The following ADGRB3 variants were observed in gnomAD, a reference collection of about 807,000 sequenced individuals.
The protein encoded by ADGRB3 is adhesion G protein-coupled receptor B3.
In ADGRB3, 37 loss-of-function variants were observed where a neutral mutation model predicts 193.4. The observed-to-expected ratio is 0.19, with a 90% CI of 0.15 to 0.25. ADGRB3 has a LOEUF of 0.25. ADGRB3 is among the 10% of genes least tolerant of loss of function. ADGRB3 has a pLI of 1.00. For synonymous variants in ADGRB3, 690 were observed against 644.2 expected, an observed-to-expected ratio of 1.07 and a Z score of -1.08; for missense variants, 1,637 against 1,852.9, an observed-to-expected ratio of 0.88 and a Z score of 2.14.
chr6:69,030,184 A>G (rs1040409054), intron 13 of ADGRB3, among the ~76,000 whole-genome samples: 3 of 152,174 alleles, frequency 2.0e-5, no homozygotes, highest in African/African-American at 7.2e-5. Flanking sequence ...AATTAGTTCA[A>G]CCATTGTGGA....
In ADGRB3 at chr6:68,637,442, C is replaced by G. The variant is rs1193528536; in HGVS notation, c.-136C>G. 6.6e-6 allele frequency: 1 copy of G among 152,640 alleles called. No homozygotes were observed. The highest frequency in any genetic ancestry group is 1.5e-5 in the Non-Finnish European group (1 of 68,048). 9.5% of individuals were successfully genotyped at this position (152,640 alleles called of 1,614,324 possible). On this transcript the variant is annotated 5_prime_UTR_variant, in exon 2 of 32. Transcript: ENST00000370598. ...GACTTTTAAAATTAACTTGGCATCACTTTTATCAGCTCAAAGGCTAAACAA... is the reference window on the plus strand; with the variant it reads ...GACTTTTAAAATTAACTTGGCATCAGTTTTATCAGCTCAAAGGCTAAACAA...
intron 13 of ADGRB3, among the ~76,000 whole-genome samples, chr6:69,022,190 AAG>A (rs1289345303): frequency 6.6e-6 from 1 of 151,812 alleles, no homozygotes; most frequent in East Asian, 1.9e-4. Flanking sequence ...ATGTGTATGA[AAG>A]ATTTCAATTT....
At chr6:68,686,748 G>A (rs2127300237) in intron 3 of ADGRB3, among the ~76,000 whole-genome samples, 1 of 152,260 alleles carries the variant, frequency 6.6e-6, no homozygotes, top group South Asian at 2.1e-4. Flanking sequence ...ACAAATCAAT[G>A]TGGTTGGTTT....
At chr6:68,811,649 T>C (rs1189763061) in intron 3 of ADGRB3, among the ~76,000 whole-genome samples, 1 of 152,120 alleles carries the variant, frequency 6.6e-6, no homozygotes, top group Admixed American at 6.5e-5. Context: ...TTTGTATTTT[T>C]AGTAGAGACA....
At chr6:68,964,308 A>G (rs1179193668) in intron 8 of ADGRB3, among the ~76,000 whole-genome samples, 1 of 152,168 alleles carries the variant, frequency 6.6e-6, no homozygotes, top group African/African-American at 2.4e-5. Context: ...TTCTCAAGGC[A>G]GTTCTACCCT....
chr6:69,231,564 A>G (rs1350615087), intron 17 of ADGRB3, among the ~76,000 whole-genome samples: 1 of 152,184 alleles, frequency 6.6e-6, no homozygotes, highest in Non-Finnish European at 1.5e-5. Flanking sequence ...ACTGTTTGTC[A>G]CAGGAAGATA....
At chr6:69,332,107 TG>T (rs1768743242) in intron 23 of ADGRB3, 2 of 985,408 alleles carry the variant, frequency 2.0e-6, no homozygotes, top group Non-Finnish European at 2.4e-6. Flanking sequence ...CTCATTGGAC[TG>T]GATTCCTTGA....
chr6:68,654,558 G>A (rs1156692405), intron 3 of ADGRB3, among the ~76,000 whole-genome samples: 1 of 151,662 alleles, frequency 6.6e-6, no homozygotes, highest in East Asian at 1.9e-4. Flanking sequence ...TATCAGTTTA[G>A]TTCCCACCTT....
intron 26 of ADGRB3, among the ~76,000 whole-genome samples, chr6:69,350,396 A>G (rs1769196758): frequency 6.6e-6 from 1 of 151,636 alleles, no homozygotes; most frequent in South Asian, 2.1e-4. Context: ...ACTCCTGCAG[A>G]TATTTGACCC....
At position 68,749,662 on chromosome 6, in the gene ADGRB3, A is replaced by C. The variant is rs117653542; in HGVS notation, c.757+110230A>C. 3.8e-3 allele frequency among the ~76,000 whole-genome samples: 582 copies of C among 152,218 alleles called. 4 individuals carry two copies. The highest frequency in any genetic ancestry group is 4.9e-3 in the Non-Finnish European group (334 of 68,014). ...TTTCATAAATCACCATAGTTTAATC[A>C]CTATGATTGCCTATTCTAACATTTT... On this transcript the variant is annotated intron_variant, in intron 3 of 31. Coordinates refer to ENST00000370598, the MANE Select transcript of ADGRB3 (RefSeq NM_001704.3).
intron 3 of ADGRB3, among the ~76,000 whole-genome samples, chr6:68,927,480 A>G (rs1767213212): frequency 6.6e-6 from 1 of 152,142 alleles, no homozygotes; most frequent in South Asian, 2.1e-4. Context: ...AAAAGTGAAG[A>G]AGATAATGCC....
At chr6:68,940,547 CTT>C in intron 5 of ADGRB3, among the ~76,000 whole-genome samples, 9,923 of 69,246 alleles carry the variant, frequency 0.14, 636 homozygotes, top group South Asian at 0.2. Context: ...TGCTTTTGAA[CTT>C]TTTTTTTTTT....
intron 3 of ADGRB3, among the ~76,000 whole-genome samples, chr6:68,745,457 G>C (rs1029815906): frequency 2.0e-5 from 3 of 152,098 alleles, no homozygotes; most frequent in Admixed American, 1.3e-4. Context: ...GAGAGGAGTT[G>C]TTTAATGAGT....
At chr6:68,837,488 G>A (rs1371998017) in intron 3 of ADGRB3, among the ~76,000 whole-genome samples, 1 of 152,204 alleles carries the variant, frequency 6.6e-6, no homozygotes, top group East Asian at 1.9e-4. Context: ...TTTGCCATTT[G>A]TATGATATAA....
rs533833174 is a variant in ADGRB3 at position 68,921,348 on chromosome 6, C to T, written c.758-9211C>T. On this transcript the variant is annotated intron_variant, in intron 3 of 31. Transcript: ENST00000370598. ...GTAGCAGACAAGTGTATCAACAAGGCAGGAATAATAATATCAGACAAAATT... is the reference window on the plus strand; with the variant it reads ...GTAGCAGACAAGTGTATCAACAAGGTAGGAATAATAATATCAGACAAAATT... 3.3e-5 allele frequency among the ~76,000 whole-genome samples: 5 copies of T among 152,182 alleles called. No homozygotes were observed. In the South Asian group the frequency reaches 1.0e-3, roughly 32 times the overall value.
At chr6:68,829,354 G>A (rs1020115387) in intron 3 of ADGRB3, among the ~76,000 whole-genome samples, 1 of 151,724 alleles carries the variant, frequency 6.6e-6, no homozygotes, top group Non-Finnish European at 1.5e-5. Flanking sequence ...CACCCACCTC[G>A]GCTTCCCACA....
intron 3 of ADGRB3, among the ~76,000 whole-genome samples, chr6:68,792,858 G>A (rs1040593783): frequency 6.6e-6 from 1 of 152,072 alleles, no homozygotes. Context: ...TTACTCCATG[G>A]ACACTGTGTA....
chr6:68,871,297 A>T (rs953127090), intron 3 of ADGRB3, among the ~76,000 whole-genome samples: 1 of 152,202 alleles, frequency 6.6e-6, no homozygotes, highest in Admixed American at 6.5e-5. Context: ...CTTAATTAAC[A>T]TTAACATTTT....
At chr6:68,775,385 C>T (rs149577140) in intron 3 of ADGRB3, among the ~76,000 whole-genome samples, 5 of 152,070 alleles carry the variant, frequency 3.3e-5, no homozygotes, top group East Asian at 1.9e-4. Context: ...GGTCACTAGA[C>T]GTGGTTATAG....
Sources: allele counts gnomAD v4.1 joint callset (sites outside exome capture counted in the v4.1 genomes callset), GRCh38; gene constraint gnomAD v4.1.1; transcripts MANE v1.5; gene names NCBI Gene and HGNC (gene_info 2026-07-23, HGNC 2026-07-21).